UBR1: variants seen among roughly 807,000 people sequenced by gnomAD.
UBR1 encodes E3 ubiquitin-protein ligase UBR1.
In UBR1, 102 loss-of-function variants were observed where a neutral mutation model predicts 242.1. The observed-to-expected ratio is 0.42, with a 90% CI of 0.36 to 0.50. The LOEUF (loss-of-function observed/expected upper bound fraction) is 0.50. Among genes scored for constraint, UBR1 ranks in the 20% least tolerant of loss-of-function variants. UBR1 has a pLI of 0.01. For synonymous variants in UBR1, 675 were observed against 684.8 expected, an observed-to-expected ratio of 0.99 and a Z score of 0.22; for missense variants, 1,772 against 2,101.8, an observed-to-expected ratio of 0.84 and a Z score of 3.07.
At chr15:42,994,920 G>A (rs1281300611) in intron 33 of UBR1, among the ~76,000 whole-genome samples, 1 of 152,144 alleles carries the variant, frequency 6.6e-6, no homozygotes, top group Non-Finnish European at 1.5e-5. Context: ...CAGAATAAAT[G>A]CTAGTCACTT....
Position 43,019,927 on chromosome 15 carries a change from T to C in UBR1, c.2940+1348A>G, listed in dbSNP as rs115495518. On this transcript the variant is annotated intron_variant, in intron 27 of 46. Transcript: ENST00000290650. The stretch of plus-strand genomic sequence containing the variant: ...CCGGTTTTATGTTTCTATGTGGAGG[T>C]TTTCCATTAAAGTAACATTCCTGGC... Among the ~76,000 whole-genome samples the C allele has an allele frequency of 5.4e-3, 819 of 150,588 alleles. 10 individuals carry two copies. The highest frequency in any genetic ancestry group is 0.019 in the African/African-American group (786 of 40,922).
chr15:43,068,403 T>C (rs939297432), intron 5 of UBR1, among the ~76,000 whole-genome samples: 4 of 151,898 alleles, frequency 2.6e-5, no homozygotes, highest in Non-Finnish European at 5.9e-5. Context: ...TCCAGGCTGG[T>C]TGCAAACTCC....
chr15:42,954,816 G>A (rs1419721926), intron 44 of UBR1, among the ~76,000 whole-genome samples: 2 of 152,008 alleles, frequency 1.3e-5, no homozygotes, highest in African/African-American at 2.4e-5. Flanking sequence ...TAATCTGCCC[G>A]CCTTGGCTTC....
chr15:43,040,025 A>G (rs1424682150), intron 15 of UBR1, among the ~76,000 whole-genome samples: 1 of 152,142 alleles, frequency 6.6e-6, no homozygotes, highest in Non-Finnish European at 1.5e-5. Context: ...CATGCTGCCC[A>G]AGGTAATTTA....
chr15:43,029,863 T>C (rs2033231376), intron 21 of UBR1, 81 bp downstream of exon 21: 2 of 1,562,642 alleles, frequency 1.3e-6, no homozygotes, highest in African/African-American at 1.4e-5. Flanking sequence ...GCCTAAAATT[T>C]TGAAGTAGTT....
At chr15:43,021,937 GTCTC>G (rs1035377919) in intron 26 of UBR1, among the ~76,000 whole-genome samples, 1 of 152,100 alleles carries the variant, frequency 6.6e-6, no homozygotes, top group Non-Finnish European at 1.5e-5. Context: ...ATGACTTTAA[GTCTC>G]TCTCTTACAT....
chr15:43,029,581 G>C (rs890150237), intron 21 of UBR1, among the ~76,000 whole-genome samples: 12 of 152,128 alleles, frequency 7.9e-5, no homozygotes, highest in African/African-American at 2.2e-4. Context: ...ATCAGAATCT[G>C]ATGGCTCCCC....
chr15:43,051,386 A>T (rs1234610952), intron 12 of UBR1, among the ~76,000 whole-genome samples: 1 of 152,212 alleles, frequency 6.6e-6, no homozygotes, highest in Non-Finnish European at 1.5e-5. Flanking sequence ...ACACATGGAC[A>T]CATAGAGGGG....
rs1445762741 is a variant in UBR1 at position 42,964,423 on chromosome 15, C to T, written c.4592-380G>A. 6.6e-5 allele frequency among the ~76,000 whole-genome samples: 10 copies of T among 152,016 alleles called. 1 individual carries two copies. The highest frequency in any genetic ancestry group is 4.2e-4 in the South Asian group (2 of 4,816). The stretch of plus-strand genomic sequence containing the variant: ...GGTGGAGGTTGCAGTGAGCTGAGAT[C>T]GCGCTATTGCACTCCAGCCTGGGCA... On this transcript the variant is annotated intron_variant, in intron 41 of 46. Transcript: ENST00000290650.
At chr15:42,976,975 G>C in intron 38 of UBR1, 108 bp from the exon 39 acceptor site, 1 of 1,237,066 alleles carries the variant, frequency 8.1e-7, no homozygotes, top group South Asian at 1.3e-5. Context: ...GTTTGTGTGT[G>C]TGTTTTTTAA....
intron 1 of UBR1, among the ~76,000 whole-genome samples, chr15:43,098,900 TCA>T (rs921491397): frequency 6.6e-6 from 1 of 152,314 alleles, no homozygotes; most frequent in African/African-American, 2.4e-5. Flanking sequence ...GTTTTCCCAC[TCA>T]GAGTGTGTCC....
At chr15:43,050,600 T>G (rs2033542751) in intron 12 of UBR1, among the ~76,000 whole-genome samples, 2 of 151,916 alleles carry the variant, frequency 1.3e-5, no homozygotes, top group African/African-American at 4.8e-5. Context: ...AGCATGTGCC[T>G]GTAGTCCCAG....
chr15:43,089,378 C>T (rs2034080793), intron 1 of UBR1, among the ~76,000 whole-genome samples: 1 of 151,890 alleles, frequency 6.6e-6, no homozygotes, highest in Admixed American at 6.6e-5. Context: ...GCCTGTAGTC[C>T]CAGCTACTCG....
intron 14 of UBR1, among the ~76,000 whole-genome samples, chr15:43,045,594 G>C (rs988292677): frequency 3.9e-5 from 6 of 151,974 alleles, no homozygotes; most frequent in African/African-American, 1.5e-4. Context: ...TTAACTAAGT[G>C]GTAGAAATAC....
intron 34 of UBR1, 90 bp from the exon 35 acceptor site, chr15:42,989,057 T>A: frequency 8.9e-7 from 1 of 1,119,612 alleles, no homozygotes; most frequent in East Asian, 2.5e-5. Flanking sequence ...CAGAAACAAT[T>A]TAACTGCTTT....
intron 37 of UBR1, among the ~76,000 whole-genome samples, chr15:42,980,352 T>C (rs2032356433): frequency 6.6e-6 from 1 of 152,220 alleles, no homozygotes; most frequent in South Asian, 2.1e-4. Flanking sequence ...CGGCAAAGTT[T>C]ACATGATATA....
At chr15:42,953,361 C>T (rs950801765) in intron 44 of UBR1, among the ~76,000 whole-genome samples, 1 of 152,132 alleles carries the variant, frequency 6.6e-6, no homozygotes, top group African/African-American at 2.4e-5. Context: ...AGGAGAGATC[C>T]AACTAGGCCC....
chr15:42,984,761 TCCCCAC>T, intron 36 of UBR1, 120 bp downstream of exon 36: 2 of 836,670 alleles, frequency 2.4e-6, no homozygotes, highest in Non-Finnish European at 4.0e-6. Context: ...GTTCCTTTTT[TCCCCAC>T]TATAGAATTC....
At chr15:43,075,922 A>G (rs2033883931) in intron 3 of UBR1, among the ~76,000 whole-genome samples, 1 of 151,310 alleles carries the variant, frequency 6.6e-6, no homozygotes, top group African/African-American at 2.4e-5. Context: ...ACCTGATAAG[A>G]TTTTTTTAAT....
Sources: allele counts gnomAD v4.1 joint callset (sites outside exome capture counted in the v4.1 genomes callset), GRCh38; gene constraint gnomAD v4.1.1; transcripts MANE v1.5; gene names NCBI Gene and HGNC (gene_info 2026-07-23, HGNC 2026-07-21).